Variants in KIAA1328 observed in about 807,000 individuals in gnomAD.
KIAA1328 encodes the protein protein hinderin.
In KIAA1328, 52 loss-of-function variants were observed where a neutral mutation model predicts 68.1. The ratio of observed to expected loss-of-function variants is 0.76; its 90% CI spans 0.61 to 0.96. KIAA1328 has a LOEUF of 0.96. Ranked by LOEUF, KIAA1328 falls within the 40% of genes least tolerant of loss-of-function variation. The pLI, the probability that KIAA1328 is intolerant of heterozygous loss-of-function variation, is 0.00. For missense variants in KIAA1328, 641 were observed against 677.6 expected (o/e 0.95, Z 0.60); for synonymous variants, 232 against 239.4 (o/e 0.97, Z 0.28).
intron 5 of KIAA1328, among the ~76,000 whole-genome samples, chr18:36,942,406 A>C (rs1156899060): frequency 6.6e-6 from 1 of 152,218 alleles, no homozygotes; most frequent in African/African-American, 2.4e-5. Flanking sequence ...GCTTTGTTAG[A>C]GACATAGAAC....
chr18:36,854,258 G>C (rs1436323731), intron 4 of KIAA1328, among the ~76,000 whole-genome samples: 1 of 152,164 alleles, frequency 6.6e-6, no homozygotes, highest in Non-Finnish European at 1.5e-5. Flanking sequence ...CTTGATCTTG[G>C]ACTTCTAGCC....
chr18:37,160,339 C>T lies in KIAA1328; in HGVS notation c.1372C>T (p.Gln458Ter). Reference protein sequence around the residue: ...GFHSHMKDDAQWSCQKKDTCR... With the variant: ...GFHSHMKDDA ...TCATTCGCATATGAAAGATGATGCC[C>T]AGTGGTCATGTCAAAAGAAAGATAC... The change falls in exon 8 of 10, where the codon CAG becomes TAG. Residue 458 changes from glutamine to a stop codon, truncating the protein, a stop_gained. Transcript: ENST00000280020. LOFTEE classifies it high-confidence loss of function. The T allele has an allele frequency of 6.2e-7, 1 of 1,613,356 alleles. No individual in the cohort carries two copies. Among genetic ancestry groups the T allele is most frequent in the Non-Finnish European group, 8.5e-7 (1 of 1,179,520 alleles).
rs1000379779 is a variant in KIAA1328, at chr18:36,992,285, G to A, written c.576+32850G>A. Reference sequence around the variant, plus strand: ...GTAGTTGAATTTACCTATCTTTTATGGTTTGTGCTTTTTGGGTCCTTTTCT... The same window carrying A: ...GTAGTTGAATTTACCTATCTTTTATAGTTTGTGCTTTTTGGGTCCTTTTCT... On this transcript the variant is annotated intron_variant, in intron 6 of 9. Coordinates refer to ENST00000280020, the MANE Select transcript of KIAA1328 (RefSeq NM_020776.3). Among the ~76,000 whole-genome samples, 48 of 151,900 alleles carry A rather than the reference G, an allele frequency of 3.2e-4. 2 individuals carry two copies. The highest frequency in any genetic ancestry group is 1.5e-5 in the Non-Finnish European group (1 of 67,974).
Position 37,201,972 on chromosome 18 carries a change from G to A in KIAA1328, c.1524-20045G>A, listed in dbSNP as rs77979005. Among the ~76,000 whole-genome samples the A allele has an allele frequency of 6.5e-3, 991 of 152,208 alleles. 6 individuals are homozygous for A. Among genetic ancestry groups the A allele is most frequent in the Non-Finnish European group, 0.01 (698 of 67,990 alleles). On this transcript the variant is annotated intron_variant, in intron 9 of 9. Transcript: ENST00000280020. ...GGTCACATTTAAAAATATGATATTC[G>A]TCAACGCCTTGGTGAAATAACCAGC...
Position 37,223,462 on chromosome 18 carries a change from G to A in KIAA1328, c.*1235G>A. 1 of 985,386 alleles carries A rather than the reference G, an allele frequency of 1.0e-6. No individual in the cohort carries two copies. Among genetic ancestry groups the A allele is most frequent in the Middle Eastern group, 5.2e-4 (1 of 1,914 alleles). The allele number at this position is 985,386 out of a possible 1,614,324, so 61.0% of individuals were successfully genotyped here. A position where few individuals can be genotyped will look rare whatever the true frequency, so the allele number is the denominator to read the frequency against. ...CAAGCTAATGGGGATGATGATCCTG[G>A]TTTAGCCAGAGTTCAAAACTCTCCA... On this transcript the variant is annotated 3_prime_UTR_variant, in exon 10 of 10. Transcript: ENST00000280020.
At chr18:37,079,030 C>T (rs529966832) in intron 7 of KIAA1328, among the ~76,000 whole-genome samples, 8 of 151,406 alleles carry the variant, frequency 5.3e-5, no homozygotes, top group South Asian at 2.1e-4. Context: ...CACATGCACA[C>T]GTATGTTTAT....
chr18:37,174,725 CT>C (rs376870811), intron 9 of KIAA1328, among the ~76,000 whole-genome samples: 117 of 152,096 alleles, frequency 7.7e-4, no homozygotes, highest in African/African-American at 2.4e-3. Flanking sequence ...TCCTGAGTAG[CT>C]GGGACTGCAG....
intron 8 of KIAA1328, among the ~76,000 whole-genome samples, chr18:37,167,168 GGTT>G (rs2059405844): frequency 6.6e-6 from 1 of 152,178 alleles, no homozygotes; most frequent in African/African-American, 2.4e-5. Flanking sequence ...CAGATGGGCA[GGTT>G]GTGGGGCTCT....
intron 6 of KIAA1328, among the ~76,000 whole-genome samples, chr18:37,036,085 C>T (rs554375107): frequency 1.8e-4 from 27 of 152,296 alleles, no homozygotes; most frequent in African/African-American, 5.8e-4. Context: ...ATGGCTACTT[C>T]TGTTGTCCCA....
At chr18:36,895,354 G>T (rs1187699325) in intron 5 of KIAA1328, among the ~76,000 whole-genome samples, 1 of 152,170 alleles carries the variant, frequency 6.6e-6, no homozygotes, top group Non-Finnish European at 1.5e-5. Context: ...GGCTAGAGTA[G>T]GGGTGAGAAA....
chr18:37,161,263 T>G (rs1418440019), intron 8 of KIAA1328, among the ~76,000 whole-genome samples: 1 of 152,214 alleles, frequency 6.6e-6, no homozygotes, highest in East Asian at 1.9e-4. Flanking sequence ...CACATTTATT[T>G]ATTTGAAAAT....
chr18:36,853,164 A>G (rs1456552692), intron 4 of KIAA1328, among the ~76,000 whole-genome samples: 1 of 152,052 alleles, frequency 6.6e-6, no homozygotes, highest in East Asian at 1.9e-4. Flanking sequence ...TTAACTTTCA[A>G]CCTTTGTGTC....
chr18:37,042,832 A>G (rs996242254), intron 6 of KIAA1328, among the ~76,000 whole-genome samples: 8 of 151,846 alleles, frequency 5.3e-5, no homozygotes, highest in African/African-American at 1.9e-4. Context: ...TTTTTCTGAC[A>G]CTTTATCTCT....
intron 7 of KIAA1328, among the ~76,000 whole-genome samples, chr18:37,153,550 G>A (rs2154210390): frequency 6.7e-6 from 1 of 149,028 alleles, no homozygotes; most frequent in African/African-American, 2.5e-5. Flanking sequence ...ATATAGAAAT[G>A]ACTATATAGG....
intron 7 of KIAA1328, among the ~76,000 whole-genome samples, chr18:37,142,321 AG>A (rs1311351310): frequency 6.6e-6 from 1 of 151,866 alleles, no homozygotes; most frequent in Non-Finnish European, 1.5e-5. Context: ...CCTCTTGAGT[AG>A]CTGGGATTAC....
At chr18:36,987,940 C>T (rs1183016912) in intron 6 of KIAA1328, among the ~76,000 whole-genome samples, 1 of 152,024 alleles carries the variant, frequency 6.6e-6, no homozygotes, top group Non-Finnish European at 1.5e-5. Context: ...TCAGCTCTAT[C>T]TTTTCTCCTA....
chr18:37,089,371 C>CTTTT (rs3085910), intron 7 of KIAA1328, among the ~76,000 whole-genome samples: 13 of 95,292 alleles, frequency 1.4e-4, no homozygotes, highest in Non-Finnish European at 2.6e-4. Context: ...AAGGTAGTGG[C>CTTTT]TTTTTTTTTT....
intron 9 of KIAA1328, 31 bp from the exon 10 acceptor site, chr18:37,221,986 T>C: frequency 6.3e-7 from 1 of 1,598,910 alleles, no homozygotes; most frequent in Non-Finnish European, 8.5e-7. Context: ...AATAATCTGA[T>C]CCTTTCCTGT....
intron 6 of KIAA1328, among the ~76,000 whole-genome samples, chr18:36,996,826 T>A (rs976745685): frequency 6.6e-6 from 1 of 152,214 alleles, no homozygotes; most frequent in Non-Finnish European, 1.5e-5. Context: ...GTCTTCACTA[T>A]ATTAGGAGGC....
Sources: allele counts gnomAD v4.1 joint callset (sites outside exome capture counted in the v4.1 genomes callset), GRCh38; gene constraint gnomAD v4.1.1; transcripts MANE v1.5; gene names NCBI Gene and HGNC (gene_info 2026-07-23, HGNC 2026-07-21).